GGA1: variants seen among roughly 807,000 people sequenced by gnomAD.
The protein encoded by GGA1 is ADP-ribosylation factor-binding protein GGA1.
A neutral mutation model predicts 76.9 loss-of-function variants in GGA1; 18 were observed. The ratio of observed to expected loss-of-function variants is 0.23; its 90% CI spans 0.16 to 0.35. The LOEUF (loss-of-function observed/expected upper bound fraction) is 0.35, where lower values mean the gene tolerates loss of function less well. GGA1 is among the 10% of genes least tolerant of loss of function. The probability of loss-of-function intolerance (pLI) is 1.00; values close to 1 mark genes in which losing one functional copy is unlikely to be tolerated. For synonymous variants in GGA1, 342 were observed against 354.7 expected (o/e 0.96, Z 0.40); for missense variants, 755 against 859.0 (o/e 0.88, Z 1.51).
intron 5 of GGA1, 82 bp from the exon 6 acceptor site, chr22:37,620,731 C>T (rs926789028): frequency 5.7e-6 from 5 of 871,680 alleles, no homozygotes; most frequent in African/African-American, 3.3e-5. Flanking sequence ...CTGTCCTACC[C>T]TTGCCTGCCC....
chr22:37,620,491 A>G (rs1346717883), intron 5 of GGA1, 130 bp downstream of exon 5: 3 of 953,732 alleles, frequency 3.1e-6, no homozygotes, highest in East Asian at 2.4e-5. Flanking sequence ...CTTCTGGAGA[A>G]AGTACATACA....
At chr22:37,615,592 C>T (rs1264115240) in intron 2 of GGA1, among the ~76,000 whole-genome samples, 1 of 151,592 alleles carries the variant, frequency 6.6e-6, no homozygotes, top group African/African-American at 2.4e-5. Flanking sequence ...GGTGAAACCC[C>T]ATCTCTACTA....
rs1601557885 is a variant in GGA1 at position 37,629,857 on chromosome 22, A to G, written c.1159-141A>G. 7.7e-6 allele frequency: 5 copies of G among 652,036 alleles called. No individual in the cohort carries two copies. In the East Asian group the frequency reaches 1.5e-4, roughly 19 times the overall value. 40.4% of individuals were successfully genotyped at this position (652,036 alleles called of 1,614,324 possible). A position where few individuals can be genotyped will look rare whatever the true frequency, so the allele number is the denominator to read the frequency against. On this transcript the variant is annotated intron_variant, in intron 12 of 16. Transcript: ENST00000343632. ...GACCCAGCCACCCTGCATCATGGAC[A>G]TGGGTGGTCTGGGGTCCCCACCTCT...
At chr22:37,617,351 CATCCAGAG>C (rs1929006264) in intron 3 of GGA1, 3 of 1,157,558 alleles carry the variant, frequency 2.6e-6, no homozygotes, top group Non-Finnish European at 3.2e-6. Flanking sequence ...GGAGTATCTG[CATCCAGAG>C]ATCTGCACGT....
Position 37,617,016 on chromosome 22 carries a change from A to G in GGA1, c.204+19A>G. 1 of 1,587,636 alleles carries G rather than the reference A, an allele frequency of 6.3e-7. No individual in the cohort carries two copies. The highest frequency in any genetic ancestry group is 8.6e-7 in the Non-Finnish European group (1 of 1,167,096). On this transcript the variant is annotated intron_variant, in intron 3 of 16. Coordinates refer to ENST00000343632, the MANE Select transcript of GGA1 (RefSeq NM_013365.5). ...CTTGACGGTGAGAAGGGGAGAGGCC[A>G]CCATCCGTCCCCCGCCATGTGACGA...
chr22:37,627,859 C>T (rs775368024), intron 11 of GGA1, among the ~76,000 whole-genome samples: 10 of 152,216 alleles, frequency 6.6e-5, no homozygotes, highest in Non-Finnish European at 7.3e-5. Context: ...CTCTTCACGG[C>T]AGGGGTGGGA....
At chr22:37,611,036 G>A (rs958228716) in intron 1 of GGA1, among the ~76,000 whole-genome samples, 1 of 152,196 alleles carries the variant, frequency 6.6e-6, no homozygotes, top group Admixed American at 6.5e-5. Flanking sequence ...GACACTTTAA[G>A]GGACTTCCTG....
chr22:37,610,875 A>T (rs1927408948), intron 1 of GGA1, among the ~76,000 whole-genome samples: 1 of 152,178 alleles, frequency 6.6e-6, no homozygotes, highest in Non-Finnish European at 1.5e-5. Flanking sequence ...GGTCAGTCAG[A>T]TCTCCTTGGA....
At chr22:37,619,981 A>C (rs1417934550) in intron 4 of GGA1, 1 of 624,624 alleles carries the variant, frequency 1.6e-6, no homozygotes, top group Non-Finnish European at 2.9e-6. Flanking sequence ...CCTGTCCCTC[A>C]TGTCAGTTCT....
At chr22:37,614,727 C>G (rs1242326193) in intron 2 of GGA1, among the ~76,000 whole-genome samples, 1 of 152,172 alleles carries the variant, frequency 6.6e-6, no homozygotes, top group Non-Finnish European at 1.5e-5. Context: ...GCCTGTAATC[C>G]CAGCACTTTG....
At chr22:37,622,452 CAA>C (rs141137244) in intron 7 of GGA1, among the ~76,000 whole-genome samples, 2,368 of 150,586 alleles carry the variant, frequency 0.016, 22 homozygotes, top group Middle Eastern at 0.076. Context: ...TTAATTGAGA[CAA>C]GATCTCATCC....
At chr22:37,628,568 C>T (rs1568991282) in intron 11 of GGA1, among the ~76,000 whole-genome samples, 1 of 152,212 alleles carries the variant, frequency 6.6e-6, no homozygotes, top group Non-Finnish European at 1.5e-5. Context: ...CTCACCCCTA[C>T]CTTTGAAGGT....
intron 11 of GGA1, among the ~76,000 whole-genome samples, chr22:37,627,752 A>G (rs1931101020): frequency 6.6e-6 from 1 of 152,190 alleles, no homozygotes; most frequent in Admixed American, 6.5e-5. Flanking sequence ...TCAGAGGCAA[A>G]GCATGGGGGC....
intron 2 of GGA1, among the ~76,000 whole-genome samples, chr22:37,616,217 G>A (rs1367486441): frequency 6.6e-6 from 1 of 152,164 alleles, no homozygotes; most frequent in Non-Finnish European, 1.5e-5. Context: ...TGTGTGCTTT[G>A]GAGTCGTGCT....
rs1461394169 is a variant in GGA1 at position 37,621,736 on chromosome 22, G to T, written c.609+40G>T. 5.1e-6 allele frequency: 7 copies of T among 1,370,266 alleles called. No individual in the cohort carries two copies. The South Asian group carries it at 7.5e-5, about 15-fold the overall frequency. 84.9% of individuals were successfully genotyped at this position (1,370,266 alleles called of 1,614,324 possible). ...CAGAGCACAGGGAGGAGGCGGGATG[G>T]GGGTATTGAGCTGGGCCACTGAGAT... On this transcript the variant is annotated intron_variant, in intron 7 of 16. Transcript: ENST00000343632.
chr22:37,609,146 G>T, intron 1 of GGA1: 14 of 1,462,316 alleles, frequency 9.6e-6, no homozygotes, highest in Non-Finnish European at 1.2e-5. Flanking sequence ...ATGACCCCTG[G>T]GACGGCGAGT....
intron 3 of GGA1, chr22:37,618,184 G>C (rs1929173269): frequency 2.6e-6 from 1 of 388,746 alleles, no homozygotes; most frequent in East Asian, 3.8e-5. Context: ...CTCAGATGTG[G>C]GGCCTAAGCT....
At chr22:37,621,140 T>C (rs1929822982) in intron 6 of GGA1, among the ~76,000 whole-genome samples, 2 of 151,996 alleles carry the variant, frequency 1.3e-5, no homozygotes, top group South Asian at 4.1e-4. Flanking sequence ...GTCCCTGGAG[T>C]TTGTTTGAGG....
intron 1 of GGA1, chr22:37,610,645 G>C (rs541615823): frequency 6.6e-6 from 1 of 152,248 alleles, no homozygotes; most frequent in Admixed American, 6.5e-5. Flanking sequence ...CGCCCACGTC[G>C]GCCTCTCAAA....
Sources: allele counts gnomAD v4.1 joint callset (sites outside exome capture counted in the v4.1 genomes callset), GRCh38; gene constraint gnomAD v4.1.1; transcripts MANE v1.5; gene names NCBI Gene and HGNC (gene_info 2026-07-23, HGNC 2026-07-21).